The following ST6GALNAC3 variants were observed in gnomAD, a reference collection of about 807,000 sequenced individuals.
The protein encoded by ST6GALNAC3 is ST6 N-acetylgalactosaminide alpha-2,6-sialyltransferase 3.
A neutral mutation model predicts 32.7 loss-of-function variants in ST6GALNAC3; 25 were observed. The observed-to-expected ratio is 0.76, with a 90% CI of 0.56 to 1.07. The LOEUF is 1.07. ST6GALNAC3 is among the 50% of genes least tolerant of loss of function. ST6GALNAC3 has a pLI of 0.00. For missense variants in ST6GALNAC3, 355 were observed against 382.4 expected (o/e 0.93, Z 0.60); for synonymous variants, 129 against 133.1 (o/e 0.97, Z 0.21).
chr1:76,266,181 C>T (rs1658516535), intron 1 of ST6GALNAC3, among the ~76,000 whole-genome samples: 2 of 152,142 alleles, frequency 1.3e-5, no homozygotes, highest in African/African-American at 4.8e-5. Flanking sequence ...TTCTCTTTGG[C>T]AAACTTTCCC....
intron 2 of ST6GALNAC3, among the ~76,000 whole-genome samples, chr1:76,335,672 GA>G (rs1435409362): frequency 1.3e-5 from 2 of 152,146 alleles, no homozygotes; most frequent in African/African-American, 2.4e-5. Context: ...GTCGTTCAAG[GA>G]CTTGCTGTAA....
At chr1:76,403,505 A>G (rs866749926) in intron 2 of ST6GALNAC3, among the ~76,000 whole-genome samples, 5 of 152,128 alleles carry the variant, frequency 3.3e-5, no homozygotes, top group Admixed American at 6.6e-5. Flanking sequence ...ATGTTTCTCA[A>G]ACCTAGGCAT....
intron 1 of ST6GALNAC3, among the ~76,000 whole-genome samples, chr1:76,207,082 G>C (rs1382029304): frequency 6.6e-6 from 1 of 152,166 alleles, no homozygotes; most frequent in Non-Finnish European, 1.5e-5. Flanking sequence ...TTGGACTTCT[G>C]ATTCCTCTTT....
chr1:76,466,362 C>T (rs866252285), intron 3 of ST6GALNAC3, among the ~76,000 whole-genome samples: 1 of 152,038 alleles, frequency 6.6e-6, no homozygotes, highest in Non-Finnish European at 1.5e-5. Context: ...AGTTCACACA[C>T]AGTGCCACAG....
chr1:76,152,586 C>T (rs1252043552), intron 1 of ST6GALNAC3, among the ~76,000 whole-genome samples: 3 of 152,146 alleles, frequency 2.0e-5, no homozygotes, highest in Non-Finnish European at 4.4e-5. Flanking sequence ...CTGAGGCTTC[C>T]CAGGAGGCTG....
At position 76,242,437 on chromosome 1, in the gene ST6GALNAC3, CT is replaced by C. The variant is rs548581379; in HGVS notation, c.19-71360del. On this transcript the variant is annotated intron_variant, in intron 1 of 4. Transcript: ENST00000328299. Reference sequence around the variant, plus strand: ...TGATGTTGCCAGATACCTTCTTTTCCTTTTTTTTAAAAAAATTTACTTTAAG... The same window carrying C: ...TGATGTTGCCAGATACCTTCTTTTCCTTTTTTTAAAAAAATTTACTTTAAG... Among the ~76,000 whole-genome samples the C allele has an allele frequency of 1.2e-3, 180 of 151,656 alleles. 4 individuals carry two copies. In the South Asian group the frequency reaches 0.036, roughly 30 times the overall value.
chr1:76,579,075 C>A (rs1168234622), intron 3 of ST6GALNAC3, among the ~76,000 whole-genome samples: 4 of 152,030 alleles, frequency 2.6e-5, no homozygotes, highest in Non-Finnish European at 5.9e-5. Flanking sequence ...TGTCTGGTAA[C>A]TTCACTGGAA....
intron 3 of ST6GALNAC3, among the ~76,000 whole-genome samples, chr1:76,548,349 A>G (rs1228433140): frequency 6.6e-6 from 1 of 152,154 alleles, no homozygotes; most frequent in African/African-American, 2.4e-5. Flanking sequence ...ATATTAATTC[A>G]CTTGCTTGAA....
At chr1:76,316,169 T>C (rs769945629) in intron 2 of ST6GALNAC3, among the ~76,000 whole-genome samples, 24 of 152,184 alleles carry the variant, frequency 1.6e-4, no homozygotes, top group Non-Finnish European at 2.9e-4. Context: ...TACTATTGTA[T>C]ACTTGTAGTG....
chr1:76,306,832 A>G (rs1661091691), intron 1 of ST6GALNAC3, among the ~76,000 whole-genome samples: 3 of 152,086 alleles, frequency 2.0e-5, no homozygotes, highest in Admixed American at 2.0e-4. Flanking sequence ...ACATGCCTGT[A>G]CATTTTCTCA....
intron 1 of ST6GALNAC3, among the ~76,000 whole-genome samples, chr1:76,182,071 A>G (rs1653216371): frequency 6.6e-6 from 1 of 152,194 alleles, no homozygotes; most frequent in South Asian, 2.1e-4. Flanking sequence ...TGAGAGTCTA[A>G]TATCAAACTT....
At chr1:76,212,219 A>G (rs1655208227) in intron 1 of ST6GALNAC3, among the ~76,000 whole-genome samples, 1 of 152,208 alleles carries the variant, frequency 6.6e-6, no homozygotes, top group South Asian at 2.1e-4. Context: ...CTTGCCCCTT[A>G]GACAGCTTCC....
At position 76,124,851 on chromosome 1, in the gene ST6GALNAC3, T is replaced by G. The variant is rs537018033; in HGVS notation, c.18+49967T>G. On this transcript the variant is annotated intron_variant, in intron 1 of 4. Transcript: ENST00000328299. ...ATGGTAGCTACTAGCTGTATGTGGC[T>G]CTATTGAGAACTTGAAATGTGGAGC... Among the ~76,000 whole-genome samples, 61 of 152,324 alleles carry G rather than the reference T, an allele frequency of 4.0e-4. 1 individual carries two copies. In the South Asian group the frequency reaches 0.012, roughly 31 times the overall value.
At chr1:76,600,156 G>A (rs573820244) in intron 3 of ST6GALNAC3, among the ~76,000 whole-genome samples, 1 of 152,130 alleles carries the variant, frequency 6.6e-6, no homozygotes, top group East Asian at 1.9e-4. Flanking sequence ...AGAGTCATGA[G>A]AGAGCTTGCT....
intron 3 of ST6GALNAC3, among the ~76,000 whole-genome samples, chr1:76,455,517 C>T (rs917809846): frequency 6.6e-6 from 1 of 152,166 alleles, no homozygotes; most frequent in Non-Finnish European, 1.5e-5. Context: ...CATACTCTTG[C>T]TTGGGAACAT....
chr1:76,374,464 A>G (rs186036446), intron 2 of ST6GALNAC3, among the ~76,000 whole-genome samples: 72 of 152,340 alleles, frequency 4.7e-4, no homozygotes, highest in African/African-American at 1.7e-3. Context: ...ACCAAAGAAA[A>G]GCTGCATCGC....
intron 3 of ST6GALNAC3, among the ~76,000 whole-genome samples, chr1:76,535,580 A>T (rs574455913): frequency 1.3e-5 from 2 of 152,218 alleles, no homozygotes; most frequent in South Asian, 2.1e-4. Context: ...AATCTATTTT[A>T]AAAAATGACT....
intron 1 of ST6GALNAC3, among the ~76,000 whole-genome samples, chr1:76,164,992 A>G (rs903319512): frequency 6.6e-6 from 1 of 152,194 alleles, no homozygotes; most frequent in Non-Finnish European, 1.5e-5. Context: ...CATATTTGCT[A>G]TATAGGTAAA....
chr1:76,150,680 T>C lies in ST6GALNAC3; in HGVS notation c.18+75796T>C, dbSNP rs1002511886. 4.6e-5 allele frequency among the ~76,000 whole-genome samples: 7 copies of C among 152,166 alleles called. No individual in the cohort carries two copies. The South Asian group carries it at 8.3e-4, about 18-fold the overall frequency. On this transcript the variant is annotated intron_variant, in intron 1 of 4. Coordinates refer to ENST00000328299, the MANE Select transcript of ST6GALNAC3 (RefSeq NM_152996.4). ...TGTGAAACGTTGTCAGATGTGTGAG[T>C]GTGCAGATTGATAAAACAGCGTACA...
Sources: allele counts gnomAD v4.1 joint callset (sites outside exome capture counted in the v4.1 genomes callset), GRCh38; gene constraint gnomAD v4.1.1; transcripts MANE v1.5; gene names NCBI Gene and HGNC (gene_info 2026-07-23, HGNC 2026-07-21).